The following CRIM1 variants were observed in gnomAD, a reference collection of about 807,000 sequenced individuals.
CRIM1 encodes the protein cysteine-rich motor neuron 1 protein.
In CRIM1, 32 loss-of-function variants were observed where a neutral mutation model predicts 116.4. The observed-to-expected ratio is 0.27, with a 90% CI of 0.21 to 0.37. The LOEUF (loss-of-function observed/expected upper bound fraction) is 0.37, where lower values mean the gene tolerates loss of function less well. Among genes scored for constraint, CRIM1 ranks in the 10% least tolerant of loss-of-function variants. The pLI is 1.00. For missense variants in CRIM1, 1,331 were observed against 1,354.8 expected, an observed-to-expected ratio of 0.98 and a Z score of 0.28; for synonymous variants, 590 against 509.2, an observed-to-expected ratio of 1.16 and a Z score of -2.13.
chr2:36,371,533 C>G (rs552081146), intron 1 of CRIM1, among the ~76,000 whole-genome samples: 3 of 152,166 alleles, frequency 2.0e-5, no homozygotes, highest in Non-Finnish European at 4.4e-5. Context: ...TGGCACTCCC[C>G]GTTAAGAGAA....
intron 2 of CRIM1, among the ~76,000 whole-genome samples, chr2:36,415,532 C>A (rs1673544635): frequency 6.6e-6 from 1 of 152,190 alleles, no homozygotes; most frequent in Non-Finnish European, 1.5e-5. Context: ...CAACCCATAT[C>A]CCAATTTGTT....
intron 9 of CRIM1, 39 bp downstream of exon 9, chr2:36,510,178 C>G (rs1185377417): frequency 6.3e-7 from 1 of 1,577,006 alleles, no homozygotes; most frequent in South Asian, 1.1e-5. Flanking sequence ...TTATGAAGTG[C>G]AACTTGGTGA....
At position 36,472,241 on chromosome 2, in the gene CRIM1, A is replaced by G. The variant is rs571953925; in HGVS notation, c.992-4648A>G. Among the ~76,000 whole-genome samples, 15 of 152,240 alleles carry G rather than the reference A, an allele frequency of 9.9e-5. No individual in the cohort carries two copies. The South Asian group carries it at 2.5e-3, about 25-fold the overall frequency. On this transcript the variant is annotated intron_variant, in intron 5 of 16. Coordinates refer to ENST00000280527, the MANE Select transcript of CRIM1 (RefSeq NM_016441.3). ...TCATCCTTTTGTGGAGATTGTGGCA[A>G]TCTCCACACTGTTCTGAGATTCACA...
At chr2:36,492,188 T>C (rs1250982437) in intron 7 of CRIM1, among the ~76,000 whole-genome samples, 1 of 152,202 alleles carries the variant, frequency 6.6e-6, no homozygotes, top group Non-Finnish European at 1.5e-5. Flanking sequence ...TTGCTTCCTT[T>C]TCCGATCACA....
At chr2:36,409,551 C>T (rs1395986807) in intron 2 of CRIM1, among the ~76,000 whole-genome samples, 5 of 152,130 alleles carry the variant, frequency 3.3e-5, no homozygotes, top group Non-Finnish European at 7.4e-5. Context: ...GAAAGGACCT[C>T]GCCCTAAGAA....
chr2:36,375,619 A>G (rs1452479902), intron 1 of CRIM1, among the ~76,000 whole-genome samples: 2 of 152,240 alleles, frequency 1.3e-5, no homozygotes, highest in African/African-American at 2.4e-5. Flanking sequence ...AGTGTAAGAT[A>G]TATACCAATC....
At chr2:36,363,093 G>A (rs796072705) in intron 1 of CRIM1, among the ~76,000 whole-genome samples, 4 of 151,768 alleles carry the variant, frequency 2.6e-5, no homozygotes, top group Non-Finnish European at 5.9e-5. Flanking sequence ...CCAGCTACTA[G>A]GGAGGCTGAG....
At chr2:36,362,659 A>G (rs573431326) in intron 1 of CRIM1, among the ~76,000 whole-genome samples, 1 of 152,266 alleles carries the variant, frequency 6.6e-6, no homozygotes, top group East Asian at 1.9e-4. Flanking sequence ...CTGTTTAGTC[A>G]AGACTTCCTA....
At chr2:36,392,940 A>T (rs1034848200) in intron 1 of CRIM1, among the ~76,000 whole-genome samples, 2 of 152,186 alleles carry the variant, frequency 1.3e-5, no homozygotes, top group Non-Finnish European at 2.9e-5. Flanking sequence ...GGTCACCTTT[A>T]CCTGAGCATC....
In CRIM1 at chr2:36,371,779, G is replaced by A. The variant is rs372206451; in HGVS notation, c.331+15156G>A. On this transcript the variant is annotated intron_variant, in intron 1 of 16. Coordinates refer to ENST00000280527, the MANE Select transcript of CRIM1 (RefSeq NM_016441.3). ...TTATCAGCTTATAGGAATTTTCCTCGTGGGTGGTTGCTTGTAACCTTCTCT... is the reference window on the plus strand; with the variant it reads ...TTATCAGCTTATAGGAATTTTCCTCATGGGTGGTTGCTTGTAACCTTCTCT... Among the ~76,000 whole-genome samples the A allele has an allele frequency of 5.9e-5, 9 of 152,094 alleles. No homozygotes were observed. In the South Asian group the frequency reaches 8.3e-4, roughly 14 times the overall value.
intron 2 of CRIM1, among the ~76,000 whole-genome samples, chr2:36,434,201 A>G (rs935814431): frequency 2.6e-5 from 4 of 152,268 alleles, no homozygotes; most frequent in East Asian, 1.9e-4. Flanking sequence ...GAACAAAGTA[A>G]TGCTGAATAT....
intron 13 of CRIM1, among the ~76,000 whole-genome samples, chr2:36,534,490 A>T (rs1666373231): frequency 7.8e-6 from 1 of 128,594 alleles, no homozygotes; most frequent in African/African-American, 3.1e-5. Flanking sequence ...GGCAGGAAGG[A>T]AGGGAAGGAC....
At chr2:36,403,443 A>G (rs915161509) in intron 2 of CRIM1, among the ~76,000 whole-genome samples, 12 of 152,220 alleles carry the variant, frequency 7.9e-5, no homozygotes, top group Non-Finnish European at 1.3e-4. Context: ...TGTTGCATTC[A>G]TAAGATGGAT....
In CRIM1 at chr2:36,548,919, CAA is replaced by C; in HGVS notation, c.*220_*221del. 3.0e-6 allele frequency: 1 copy of C among 332,670 alleles called. No individual in the cohort carries two copies. Among genetic ancestry groups the C allele is most frequent in the Non-Finnish European group, 5.4e-6 (1 of 184,028 alleles). 20.6% of individuals were successfully genotyped at this position (332,670 alleles called of 1,614,324 possible). A position where few individuals can be genotyped will look rare whatever the true frequency, so the allele number is the denominator to read the frequency against. On this transcript the variant is annotated 3_prime_UTR_variant, in exon 17 of 17. Transcript: ENST00000280527. ...AACTGACCAAGTGTTTTCTTAGAAC[CAA>C]AGTTTTTAAAGTTGCTAAGATATAT...
chr2:36,507,811 T>G (rs941359072), intron 8 of CRIM1, among the ~76,000 whole-genome samples: 2 of 152,242 alleles, frequency 1.3e-5, no homozygotes, highest in East Asian at 3.8e-4. Context: ...GATCAAGGTC[T>G]GTGGAAAAAC....
At chr2:36,385,084 G>GA (rs58860535) in intron 1 of CRIM1, among the ~76,000 whole-genome samples, 39,228 of 137,976 alleles carry the variant, frequency 0.28, 5,269 homozygotes, top group East Asian at 0.39. Flanking sequence ...TTGCTTCACT[G>GA]AAAAAAAAAA....
At chr2:36,380,647 T>C (rs141598227) in intron 1 of CRIM1, among the ~76,000 whole-genome samples, 20 of 152,328 alleles carry the variant, frequency 1.3e-4, no homozygotes, top group Middle Eastern at 3.4e-3. Flanking sequence ...AATCCAGTAT[T>C]GCAAGGGGAA....
At chr2:36,490,575 C>A (rs1280396108) in intron 7 of CRIM1, among the ~76,000 whole-genome samples, 1 of 152,120 alleles carries the variant, frequency 6.6e-6, no homozygotes, top group Non-Finnish European at 1.5e-5. Flanking sequence ...TTGCTGAGAC[C>A]CGGTTACTGT....
chr2:36,375,937 A>ATT (rs1271613697), intron 1 of CRIM1, among the ~76,000 whole-genome samples: 4 of 152,242 alleles, frequency 2.6e-5, no homozygotes, highest in African/African-American at 9.6e-5. Flanking sequence ...TTTAATAGTC[A>ATT]TTTATGTTCT....
Sources: gnomAD v4.1 joint callset for allele counts (sites outside exome capture counted in the v4.1 genomes callset) on GRCh38, gnomAD v4.1.1 for gene constraint, MANE v1.5 for transcripts, NCBI Gene and HGNC (gene_info 2026-07-23, HGNC 2026-07-21) for gene names.